The following ITGAM variants were observed in gnomAD, a reference collection of about 807,000 sequenced individuals.
ITGAM encodes integrin subunit alpha M.
ITGAM carries 79 observed loss-of-function variants against 137.5 expected under a neutral mutation model. That is an observed-to-expected ratio of 0.57 (90% CI 0.48 to 0.69). The LOEUF (loss-of-function observed/expected upper bound fraction) is 0.69. Among genes scored for constraint, ITGAM ranks in the 30% least tolerant of loss-of-function variants. The pLI is 0.00. For synonymous variants in ITGAM, 583 were observed against 592.3 expected (o/e 0.98, Z 0.23); for missense variants, 1,343 against 1,483.5 (o/e 0.91, Z 1.56).
chr16:31,289,820 G>A (rs898910254), intron 12 of ITGAM, among the ~76,000 whole-genome samples: 4 of 152,104 alleles, frequency 2.6e-5, no homozygotes, highest in African/African-American at 9.7e-5. Context: ...AGTGGCTCAC[G>A]CCTGTAATCC....
At chr16:31,306,874 T>C (rs2080270363) in intron 14 of ITGAM, among the ~76,000 whole-genome samples, 1 of 152,216 alleles carries the variant, frequency 6.6e-6, no homozygotes. Flanking sequence ...TAGTCCAATG[T>C]AGTTAGTATT....
In ITGAM at chr16:31,332,016, T is replaced by C; in HGVS notation, c.*309T>C. ...GTGCAAGTGTGTGCATGTGTGCGAG[T>C]GTGTGCATGTGTGTGCTCAGGGGCG... On this transcript the variant is annotated 3_prime_UTR_variant, in exon 30 of 30. Coordinates refer to ENST00000544665, the MANE Select transcript of ITGAM (RefSeq NM_000632.4). 1 of 372,460 alleles carries C rather than the reference T, an allele frequency of 2.7e-6. No homozygotes were observed. Among genetic ancestry groups the C allele is most frequent in the South Asian group, 4.4e-5 (1 of 22,970 alleles). The allele number at this position is 372,460 out of a possible 1,614,324, so 23.1% of individuals were successfully genotyped here.
chr16:31,325,569 T>C lies in ITGAM; in HGVS notation c.2575T>C (p.Leu859=), dbSNP rs1285392420. 6.2e-7 allele frequency: 1 copy of C among 1,613,980 alleles called. No individual in the cohort carries two copies. The highest frequency in any genetic ancestry group is 2.2e-5 in the East Asian group (1 of 44,874). ...SASSTEVSGA[L]KSTSCSINHP... ...CTCCTCCACCGAAGTGTCTGGGGCCTTGAAGAGCACCAGCTGCAGCATAAA... is the reference window on the plus strand; with the variant it reads ...CTCCTCCACCGAAGTGTCTGGGGCCCTGAAGAGCACCAGCTGCAGCATAAA... The change falls in exon 21 of 30, where the codon TTG becomes CTG. Residue 859 remains leucine, a synonymous_variant. Transcript: ENST00000544665.
chr16:31,273,460 G>T lies in ITGAM; in HGVS notation c.800G>T (p.Gly267Val). 6.2e-7 allele frequency: 1 copy of T among 1,613,842 alleles called. No homozygotes were observed. The highest frequency in any genetic ancestry group is 1.1e-5 in the South Asian group (1 of 91,078). ...TDGEKFGDPLGYEDVIPEADR... is the reference protein window; with the variant it reads ...TDGEKFGDPLVYEDVIPEADR... ...GGAGAAAAGTTTGGCGATCCCTTGGGATATGAGGATGTCATCCCTGAGGCA... is the reference window on the plus strand; with the variant it reads ...GGAGAAAAGTTTGGCGATCCCTTGGTATATGAGGATGTCATCCCTGAGGCA... Residue 267 changes from glycine (G) to valine (V), a missense_variant, in exon 8 of 30, where the codon GGA becomes GTA. By Grantham distance (109) the Gly-to-Val change is moderately radical (BLOSUM62 -3). Transcript: ENST00000544665.
In ITGAM at chr16:31,276,959, G is replaced by A. The variant is rs1446716293; in HGVS notation, c.1123G>A (p.Ala375Thr). ...LLSTVGSYDW[A>T]GGVFLYTSKE... ...GAGCACTGTGGGGAGCTATGACTGG[G>A]CTGGTGGAGTCTTTCTATATACATC... is the stretch of plus-strand genomic sequence containing the variant. The change falls in exon 11 of 30, where the codon GCT (alanine) becomes ACT (threonine). Residue 375 changes from alanine (A) to threonine (T), a missense_variant. Coordinates refer to ENST00000544665, the MANE Select transcript of ITGAM (RefSeq NM_000632.4). 6.2e-7 allele frequency: 1 copy of A among 1,613,380 alleles called. No individual in the cohort carries two copies. Among genetic ancestry groups the A allele is most frequent in the East Asian group, 2.2e-5 (1 of 44,866 alleles).
intron 14 of ITGAM, among the ~76,000 whole-genome samples, chr16:31,304,859 T>C (rs997417715): frequency 2.6e-5 from 4 of 152,256 alleles, no homozygotes; most frequent in Admixed American, 2.0e-4. Context: ...TTGGTAACTA[T>C]AGCCTTGTAG....
intron 14 of ITGAM, among the ~76,000 whole-genome samples, chr16:31,304,211 T>C (rs1488925923): frequency 1.3e-5 from 2 of 152,180 alleles, no homozygotes; most frequent in Non-Finnish European, 2.9e-5. Context: ...TCCTTGATGA[T>C]TAGTGATGTT....
In ITGAM at chr16:31,331,743, A is replaced by G; in HGVS notation, c.*36A>G. The G allele has an allele frequency of 6.6e-7, 1 of 1,517,848 alleles. No individual in the cohort carries two copies. The highest frequency in any genetic ancestry group is 9.0e-7 in the Non-Finnish European group (1 of 1,115,612). The allele number at this position is 1,517,848 out of a possible 1,614,324, so 94.0% of individuals were successfully genotyped here. A position where few individuals can be genotyped will look rare whatever the true frequency, so the allele number is the denominator to read the frequency against. On this transcript the variant is annotated 3_prime_UTR_variant, in exon 30 of 30. Coordinates refer to ENST00000544665, the MANE Select transcript of ITGAM (RefSeq NM_000632.4). ...CCGACAGAGCTGCCTCTCGGTGGCC[A>G]GCAGGACTCTGCCCAGACCACACGT...
Position 31,297,635 on chromosome 16 carries a change from T to C in ITGAM, c.1478T>C (p.Val493Ala), listed in dbSNP as rs2080148641. ...YEQTRGGQVS[V>A]CPLPRGRARW... ...CAGACCCGAGGGGGCCAGGTGTCCGTGTGCCCCTTGCCCAGGGGGGTGAGT... is the reference window on the plus strand; with the variant it reads ...CAGACCCGAGGGGGCCAGGTGTCCGCGTGCCCCTTGCCCAGGGGGGTGAGT... The change falls in exon 13 of 30, where the codon GTG becomes GCG. Residue 493 changes from valine to alanine, a missense_variant. Physicochemically the swap from Val to Ala is moderately conservative, Grantham distance 64. Transcript: ENST00000544665. 3 of 1,613,318 alleles carry C rather than the reference T, an allele frequency of 1.9e-6. No individual in the cohort carries two copies. The East Asian group carries it at 6.7e-5, about 36-fold the overall frequency.
Position 31,329,509 on chromosome 16 carries a change from A to G in ITGAM, c.2868+206A>G, listed in dbSNP as rs146712119. Among the ~76,000 whole-genome samples, 153 of 152,244 alleles carry G rather than the reference A, an allele frequency of 1.0e-3. 3 individuals are homozygous for G. Among genetic ancestry groups the G allele is most frequent in the African/African-American group, 3.3e-3 (139 of 41,544 alleles). On this transcript the variant is annotated intron_variant, in intron 24 of 29. Coordinates refer to ENST00000544665, the MANE Select transcript of ITGAM (RefSeq NM_000632.4). ...CGTAGTTATCTTGTATTACCTTCGT[A>G]GCGACTCTGTGGGGCACTGTCATGA...
In ITGAM at chr16:31,324,998, A is replaced by G. The variant is rs773591222; in HGVS notation, c.2330A>G (p.Gln777Arg). ...AATTGTGGCAATGACAACATCTGCC[A>G]GGATGACCTCAGCATCACCTTCAGT... is the stretch of plus-strand genomic sequence containing the variant. ...EKNCGNDNIC[Q>R]DDLSITFSFM... Residue 777 changes from glutamine to arginine, a missense_variant, in exon 19 of 30, where the codon CAG becomes CGG. By Grantham distance (43) the Gln-to-Arg change is conservative (BLOSUM62 1). Transcript: ENST00000544665. This position sits in a 1 kb window ranked among gnomAD's most constrained non-coding sequence, Gnocchi z 4.5. 10 of 1,613,446 alleles carry G rather than the reference A, an allele frequency of 6.2e-6. No homozygotes were observed. Among genetic ancestry groups the G allele is most frequent in the South Asian group, 5.5e-5 (5 of 90,984 alleles).
intron 14 of ITGAM, among the ~76,000 whole-genome samples, chr16:31,303,962 T>A (rs1281288638): frequency 6.6e-6 from 1 of 152,188 alleles, no homozygotes; most frequent in African/African-American, 2.4e-5. Context: ...TGACTTCTTT[T>A]CCTTTGGGTA....
rs1567243937 is a variant in ITGAM, at chr16:31,262,343, CCTTCCTT to C, written c.134+548_134+554del. 1.6e-3 allele frequency among the ~76,000 whole-genome samples: 55 copies of C among 35,444 alleles called. 2 individuals are homozygous for C. The highest frequency in any genetic ancestry group is 6.0e-3 in the African/African-American group (54 of 8,992). 23.3% of individuals were successfully genotyped at this position (35,444 alleles called of 152,430 possible). A position where few individuals can be genotyped will look rare whatever the true frequency, so the allele number is the denominator to read the frequency against. Reference sequence around the variant, plus strand: ...CCTCCCTTCCCTCCCTTCCATCCTTCCTTCCTTCCTTCCTTCCTTCCTTCCTTCCTTC... The same window carrying C: ...CCTCCCTTCCCTCCCTTCCATCCTTCCCTTCCTTCCTTCCTTCCTTCCTTC... On this transcript the variant is annotated intron_variant, in intron 2 of 29. Coordinates refer to ENST00000544665, the MANE Select transcript of ITGAM (RefSeq NM_000632.4).
At chr16:31,311,949 G>A (rs1319607279) in intron 14 of ITGAM, among the ~76,000 whole-genome samples, 3 of 151,836 alleles carry the variant, frequency 2.0e-5, no homozygotes, top group South Asian at 2.1e-4. Context: ...GGAACACTAC[G>A]CAGCCATAAA....
chr16:31,272,433 A>G (rs1567250089), intron 7 of ITGAM, among the ~76,000 whole-genome samples: 1,107 of 7,464 alleles, frequency 0.15, 44 homozygotes, highest in Middle Eastern at 0.21. Context: ...CTATATATAT[A>G]TATATATATA....
chr16:31,274,434 C>T (rs918743000), intron 8 of ITGAM, among the ~76,000 whole-genome samples: 1 of 152,090 alleles, frequency 6.6e-6, no homozygotes, highest in Non-Finnish European at 1.5e-5. Context: ...GCAGCAAATG[C>T]CAGGCTCTCA....
intron 12 of ITGAM, among the ~76,000 whole-genome samples, chr16:31,287,872 T>C (rs1273701445): frequency 1.3e-5 from 2 of 152,044 alleles, no homozygotes; most frequent in Admixed American, 1.3e-4. Flanking sequence ...CAAGTGTGGA[T>C]TGGATGCCAC....
rs544835008 is a variant in ITGAM, at chr16:31,319,732, CTCTTT to C, written c.1708-1504_1708-1500del. Among the ~76,000 whole-genome samples the C allele has an allele frequency of 1.4e-3, 213 of 151,976 alleles. 1 individual carries two copies. The highest frequency in any genetic ancestry group is 2.3e-3 in the Non-Finnish European group (159 of 67,964). On this transcript the variant is annotated intron_variant, in intron 14 of 29. Transcript: ENST00000544665. ...TGTTAGTCATGTAGGTCTTTTGTCC[CTCTTT>C]TCTTCTCTTGCTGTCTTCCTTTGTG...
rs772013038 is a variant in ITGAM at position 31,297,540 on chromosome 16, C to T, written c.1383C>T (p.Leu461=). The T allele has an allele frequency of 6.2e-7, 1 of 1,612,100 alleles. No individual in the cohort carries two copies. The highest frequency in any genetic ancestry group is 1.7e-5 in the Admixed American group (1 of 60,012). The stretch of plus-strand genomic sequence containing the variant: ...TCGGCGCCTACTTCGGGGCCTCCCT[C>T]TGCTCCGTGGACGTGGACAGCAACG... The part of the protein sequence containing the change: ...TQIGAYFGAS[L]CSVDVDSNGS... The change falls in exon 13 of 30, where the codon CTC becomes CTT. Residue 461 remains leucine (L), a synonymous_variant. Transcript: ENST00000544665.
Sources: gnomAD v4.1 joint callset for allele counts (sites outside exome capture counted in the v4.1 genomes callset) on GRCh38, gnomAD v4.1.1 for gene constraint, Gnocchi (gnomAD v3.1) non-coding constraint, MANE v1.5 for transcripts, NCBI Gene and HGNC (gene_info 2026-07-23, HGNC 2026-07-21) for gene names.